The following RFX7 variants were observed in gnomAD, a reference collection of about 807,000 sequenced individuals.
RFX7 encodes the protein DNA-binding protein RFX7.
Under a neutral mutation model 111.8 loss-of-function variants are expected in RFX7, and 26 were observed. The observed-to-expected ratio is 0.23, with a 90% confidence interval of 0.17 to 0.32. The LOEUF (loss-of-function observed/expected upper bound fraction) is 0.32. RFX7 is among the 10% of genes least tolerant of loss of function. RFX7 has a pLI of 1.00. For synonymous variants in RFX7, 624 were observed against 624.4 expected (o/e 1.00, Z 0.01); for missense variants, 1,573 against 1,772.9 (o/e 0.89, Z 2.02).
intron 5 of RFX7, among the ~76,000 whole-genome samples, chr15:56,126,676 C>CA (rs2042149904): frequency 6.6e-6 from 1 of 151,900 alleles, no homozygotes; most frequent in Admixed American, 6.6e-5. Context: ...TACTTATATT[C>CA]AAAGACACAA....
intron 2 of RFX7, among the ~76,000 whole-genome samples, chr15:56,220,751 C>T (rs56083605): frequency 0.13 from 19,806 of 152,152 alleles, 1,691 homozygotes; most frequent in East Asian, 0.44. Flanking sequence ...TTTCCTTTCC[C>T]GGTTCCTATG....
chr15:56,089,894 A>G lies in RFX7; in HGVS notation c.*3451T>C, dbSNP rs532003130. On this transcript the variant is annotated 3_prime_UTR_variant, in exon 10 of 10. Transcript: ENST00000559447. Reference sequence around the variant, plus strand: ...GTGATAGTGGAACTATCACAGATCTACAAAGATCTATGTAAACAGAGGAGT... The same window carrying G: ...GTGATAGTGGAACTATCACAGATCTGCAAAGATCTATGTAAACAGAGGAGT... 31 of 152,270 alleles carry G rather than the reference A, an allele frequency of 2.0e-4. No individual in the cohort carries two copies. The highest frequency in any genetic ancestry group is 7.0e-4 in the African/African-American group (29 of 41,562). The allele number at this position is 152,270 out of a possible 1,614,324, so 9.4% of individuals were successfully genotyped here.
intron 2 of RFX7, among the ~76,000 whole-genome samples, chr15:56,195,758 T>C (rs1368748435): frequency 6.6e-6 from 1 of 152,172 alleles, no homozygotes; most frequent in Non-Finnish European, 1.5e-5. Context: ...ACAGCTAAAA[T>C]TGCCCCACAT....
intron 2 of RFX7, among the ~76,000 whole-genome samples, chr15:56,224,467 T>TTTTGTGTGTGTGTGTGTG (rs1555426682): frequency 1.4e-5 from 2 of 147,310 alleles, no homozygotes; most frequent in East Asian, 4.0e-4. Context: ...GATTAGGATT[T>TTTTGTGTGTGTGTGTGTG]TGTGTGTGTG....
intron 5 of RFX7, among the ~76,000 whole-genome samples, chr15:56,115,660 C>A (rs758471581): frequency 6.6e-6 from 1 of 151,896 alleles, no homozygotes; most frequent in Non-Finnish European, 1.5e-5. Context: ...GCATATAGGC[C>A]CGGCACGGTG....
intron 5 of RFX7, among the ~76,000 whole-genome samples, chr15:56,119,654 A>C: frequency 6.6e-6 from 1 of 151,848 alleles, no homozygotes; most frequent in Admixed American, 6.6e-5. Flanking sequence ...GTGCGTGCCT[A>C]TAGTTCCAGC....
At chr15:56,119,074 T>C (rs1412950250) in intron 5 of RFX7, among the ~76,000 whole-genome samples, 1 of 152,244 alleles carries the variant, frequency 6.6e-6, no homozygotes, top group Non-Finnish European at 1.5e-5. Flanking sequence ...GAGCTCCTTC[T>C]ATATTCTGGT....
intron 5 of RFX7, among the ~76,000 whole-genome samples, chr15:56,107,619 T>C (rs967007005): frequency 1.3e-5 from 2 of 152,326 alleles, no homozygotes; most frequent in East Asian, 1.9e-4. Flanking sequence ...TTAAATCATT[T>C]AATCCTCTCA....
Position 56,088,723 on chromosome 15 carries a change from T to A in RFX7, c.*4622A>T, listed in dbSNP as rs1288420038. ...ATTTAACAAAATAAAAAGTTTGGTC[T>A]TTTCTTATGCTGTAGGAGCTGAGGC... On this transcript the variant is annotated 3_prime_UTR_variant, in exon 10 of 10. Transcript: ENST00000559447. 5 of 152,202 alleles carry A rather than the reference T, an allele frequency of 3.3e-5. No homozygotes were observed. The highest frequency in any genetic ancestry group is 7.3e-5 in the Non-Finnish European group (5 of 68,030). The allele number at this position is 152,202 out of a possible 1,614,324, so 9.4% of individuals were successfully genotyped here. A position where few individuals can be genotyped will look rare whatever the true frequency, so the allele number is the denominator to read the frequency against.
chr15:56,160,393 T>C (rs1191792197), intron 3 of RFX7, among the ~76,000 whole-genome samples: 1 of 151,814 alleles, frequency 6.6e-6, no homozygotes, highest in Non-Finnish European at 1.5e-5. Flanking sequence ...TTTGGAATAG[T>C]CAGCTTAAAT....
intron 5 of RFX7, 99 bp downstream of exon 5, chr15:56,142,679 C>T: frequency 9.5e-7 from 1 of 1,049,692 alleles, no homozygotes; most frequent in South Asian, 1.8e-5. Context: ...TCCCATATAC[C>T]AGCTTGATAT....
At chr15:56,241,561 A>G (rs2043689373) in intron 2 of RFX7, among the ~76,000 whole-genome samples, 1 of 152,188 alleles carries the variant, frequency 6.6e-6, no homozygotes. Flanking sequence ...TCAGAAACAC[A>G]AAGTTACGTC....
intron 5 of RFX7, among the ~76,000 whole-genome samples, chr15:56,109,992 C>G (rs1372382745): frequency 7.0e-6 from 1 of 143,130 alleles, no homozygotes; most frequent in Non-Finnish European, 1.6e-5. Flanking sequence ...CCCGGCCAGC[C>G]GCCCCGTCCG....
intron 2 of RFX7, among the ~76,000 whole-genome samples, chr15:56,239,455 A>C (rs1472681897): frequency 6.6e-6 from 1 of 151,826 alleles, no homozygotes; most frequent in Non-Finnish European, 1.5e-5. Context: ...TTTTTAGTAG[A>C]GACGGGGTTT....
intron 2 of RFX7, among the ~76,000 whole-genome samples, chr15:56,225,928 A>G (rs573615717): frequency 6.6e-6 from 1 of 152,294 alleles, no homozygotes; most frequent in Non-Finnish European, 1.5e-5. Flanking sequence ...CAGACACAAT[A>G]CTTTTATAAA....
intron 2 of RFX7, among the ~76,000 whole-genome samples, chr15:56,229,210 G>C (rs1469065285): frequency 1.3e-5 from 2 of 152,134 alleles, no homozygotes; most frequent in Admixed American, 6.6e-5. Flanking sequence ...CAGATAATGG[G>C]GGACTACCAT....
chr15:56,122,985 G>A (rs1359525105), intron 5 of RFX7, among the ~76,000 whole-genome samples: 1 of 151,688 alleles, frequency 6.6e-6, no homozygotes, highest in Non-Finnish European at 1.5e-5. Context: ...ACCATAGGTC[G>A]ACAAAAACCA....
At chr15:56,155,591 A>G (rs1221808447) in intron 3 of RFX7, among the ~76,000 whole-genome samples, 4 of 152,158 alleles carry the variant, frequency 2.6e-5, no homozygotes, top group African/African-American at 9.7e-5. Context: ...AGGGAGGGGA[A>G]CATCACACAC....
intron 5 of RFX7, among the ~76,000 whole-genome samples, chr15:56,142,534 T>C (rs1177809458): frequency 7.2e-5 from 11 of 152,192 alleles, no homozygotes; most frequent in African/African-American, 2.4e-4. Context: ...GTCCTTGCAC[T>C]CTCTGACCTC....
Sources: allele counts gnomAD v4.1 joint callset (sites outside exome capture counted in the v4.1 genomes callset), GRCh38; gene constraint gnomAD v4.1.1; transcripts MANE v1.5; gene names NCBI Gene and HGNC (gene_info 2026-07-23, HGNC 2026-07-21).